PCDHA12: variants seen among roughly 807,000 people sequenced by gnomAD.
The protein encoded by PCDHA12 is protocadherin alpha 12.
In PCDHA12, 44 loss-of-function variants were observed where a neutral mutation model predicts 60.0. That is an observed-to-expected ratio of 0.73 (90% CI 0.58 to 0.94). PCDHA12 has a LOEUF of 0.94. PCDHA12 is among the 40% of genes least tolerant of loss of function. The pLI is 0.00. For synonymous variants in PCDHA12, 569 were observed against 553.0 expected, an observed-to-expected ratio of 1.03 and a Z score of -0.40; for missense variants, 1,276 against 1,239.7, an observed-to-expected ratio of 1.03 and a Z score of -0.44.
intron 3 of PCDHA12, among the ~76,000 whole-genome samples, chr5:140,991,619 A>G (rs1554252338): frequency 1.3e-5 from 2 of 152,206 alleles, no homozygotes; most frequent in African/African-American, 4.8e-5. Context: ...CTTTAATGCC[A>G]TATTTGTAAT....
At chr5:140,978,222 G>A (rs997273847) in intron 1 of PCDHA12, among the ~76,000 whole-genome samples, 7 of 152,298 alleles carry the variant, frequency 4.6e-5, no homozygotes, top group East Asian at 1.9e-4. Context: ...AATGTATCAG[G>A]TTTTTCTTGG....
intron 1 of PCDHA12, among the ~76,000 whole-genome samples, chr5:140,878,983 AGAAAT>A (rs2153364854): frequency 6.6e-6 from 1 of 152,352 alleles, no homozygotes; most frequent in Non-Finnish European, 1.5e-5. Flanking sequence ...CCTCTATCTT[AGAAAT>A]GAGAGTATGC....
At position 140,950,241 on chromosome 5, in the gene PCDHA12, G is replaced by A. The variant is rs191139851; in HGVS notation, c.2368-28708G>A. 3.8e-4 allele frequency among the ~76,000 whole-genome samples: 58 copies of A among 152,014 alleles called. 1 individual carries two copies. The highest frequency in any genetic ancestry group is 6.8e-3 in the Middle Eastern group (2 of 294). On this transcript the variant is annotated intron_variant, in intron 1 of 3. Coordinates refer to ENST00000398631, the MANE Select transcript of PCDHA12 (RefSeq NM_018903.4). The stretch of plus-strand genomic sequence containing the variant: ...TTACCATTTCTAGTGCCATTAATTT[G>A]TTCCTAAAGAGCTGAGTTTATCCAT...
chr5:140,968,355 G>C lies in PCDHA12; in HGVS notation c.2368-10594G>C. On this transcript the variant is annotated intron_variant, in intron 1 of 3. Transcript: ENST00000398631. ...GTCTCCATTAACAGTGCCAGTGGCA[G>C]CCTTTATGCTGTCAACTCCTTTGAC... 1 of 1,614,080 alleles carries C rather than the reference G, an allele frequency of 6.2e-7. No individual in the cohort carries two copies. The highest frequency in any genetic ancestry group is 8.5e-7 in the Non-Finnish European group (1 of 1,180,010).
At chr5:141,002,567 C>T (rs2098086110) in intron 3 of PCDHA12, among the ~76,000 whole-genome samples, 1 of 152,210 alleles carries the variant, frequency 6.6e-6, no homozygotes, top group Admixed American at 6.5e-5. Context: ...CAGTTAGTGA[C>T]CATGTGACCA....
At chr5:140,898,583 G>C (rs1179481608) in intron 1 of PCDHA12, among the ~76,000 whole-genome samples, 2 of 152,124 alleles carry the variant, frequency 1.3e-5, no homozygotes, top group African/African-American at 4.8e-5. Context: ...TGCTGTTTTG[G>C]TTACTGTAGC....
intron 1 of PCDHA12, among the ~76,000 whole-genome samples, chr5:140,909,036 C>T (rs2074275767): frequency 6.6e-6 from 1 of 152,162 alleles, no homozygotes; most frequent in Non-Finnish European, 1.5e-5. Flanking sequence ...CATTTATTTT[C>T]CATACTCTGG....
At chr5:140,981,666 C>CT (rs1430989347) in intron 2 of PCDHA12, among the ~76,000 whole-genome samples, 8 of 152,058 alleles carry the variant, frequency 5.3e-5, no homozygotes, top group Non-Finnish European at 1.0e-4. Flanking sequence ...TTCTTCCTTC[C>CT]TTTCTTCCTT....
At chr5:140,937,323 C>T (rs1350536354) in intron 1 of PCDHA12, among the ~76,000 whole-genome samples, 3 of 152,120 alleles carry the variant, frequency 2.0e-5, no homozygotes, top group African/African-American at 7.2e-5. Flanking sequence ...AGGCGTGAGC[C>T]ACCGCGCCCG....
intron 1 of PCDHA12, among the ~76,000 whole-genome samples, chr5:140,897,430 C>A (rs1297820601): frequency 6.7e-6 from 1 of 148,618 alleles, no homozygotes; most frequent in East Asian, 2.0e-4. Flanking sequence ...TGAGTGAGAA[C>A]ATGCAGTGTT....
At chr5:140,878,575 C>T (rs1339417321) in intron 1 of PCDHA12, among the ~76,000 whole-genome samples, 1 of 152,222 alleles carries the variant, frequency 6.6e-6, no homozygotes, top group African/African-American at 2.4e-5. Context: ...TAGTATACCA[C>T]TGCCCTGTGC....
chr5:140,905,664 T>A (rs1456741391), intron 1 of PCDHA12, among the ~76,000 whole-genome samples: 1 of 152,246 alleles, frequency 6.6e-6, no homozygotes, highest in African/African-American at 2.4e-5. Flanking sequence ...CTGTCATCCA[T>A]TAACATGGAA....
chr5:140,952,903 C>T (rs896493880), intron 1 of PCDHA12, among the ~76,000 whole-genome samples: 4 of 152,092 alleles, frequency 2.6e-5, no homozygotes, highest in African/African-American at 7.2e-5. Flanking sequence ...GGGAATCAAG[C>T]TCATCTTACA....
chr5:141,005,308 TA>T (rs1345689314), intron 3 of PCDHA12, among the ~76,000 whole-genome samples: 4 of 152,214 alleles, frequency 2.6e-5, no homozygotes, highest in Non-Finnish European at 4.4e-5. Context: ...TTGTGAATCT[TA>T]CAGTGGTAGA....
chr5:140,877,225 G>T lies in PCDHA12; in HGVS notation c.1753G>T (p.Val585Leu). 1 of 1,613,746 alleles carries T rather than the reference G, an allele frequency of 6.2e-7. No individual in the cohort carries two copies. The highest frequency in any genetic ancestry group is 1.1e-5 in the South Asian group (1 of 91,038). ...AGTTAGCGAGTTGGTACCGCGGTCG[G>T]TGGGTGCGGGCCACGTGGTGGCGAA... ...GAVSELVPRS[V>L]GAGHVVAKVR... The change falls in exon 1 of 4, where the codon GTG (valine) becomes TTG (leucine). Residue 585 changes from valine to leucine, a missense_variant. Val to Leu is a conservative substitution (Grantham distance 32). Coordinates refer to ENST00000398631, the MANE Select transcript of PCDHA12 (RefSeq NM_018903.4).
intron 1 of PCDHA12, among the ~76,000 whole-genome samples, chr5:140,977,307 G>A (rs1023836424): frequency 6.6e-6 from 1 of 152,304 alleles, no homozygotes; most frequent in Non-Finnish European, 1.5e-5. Context: ...ACAAGCTAAC[G>A]ATAGTGCTCC....
intron 1 of PCDHA12, among the ~76,000 whole-genome samples, chr5:140,917,128 C>T (rs2077898518): frequency 6.6e-6 from 1 of 152,044 alleles, no homozygotes; most frequent in Non-Finnish European, 1.5e-5. Flanking sequence ...GCAGACTCCC[C>T]ACGTTGCTCA....
chr5:140,884,092 G>A (rs1443036011), intron 1 of PCDHA12: 17 of 1,613,438 alleles, frequency 1.1e-5, no homozygotes, highest in Non-Finnish European at 1.4e-5. Flanking sequence ...CGTGGCTTTC[G>A]TATGAATTGC....
rs782755927 is a variant in PCDHA12, at chr5:140,877,340, A to G, written c.1868A>G (p.His623Arg). The G allele has an allele frequency of 5.6e-6, 9 of 1,613,820 alleles. No individual in the cohort carries two copies. The highest frequency in any genetic ancestry group is 1.7e-5 in the Admixed American group (1 of 60,002). The change falls in exon 1 of 4, where the codon CAC becomes CGC. Residue 623 changes from histidine to arginine, a missense_variant. His to Arg is a conservative substitution (Grantham distance 29, BLOSUM62 0). Transcript: ENST00000398631. Reference protein sequence around the residue: ...PAAVGAHIPFHVGLYTGEIST... With the variant: ...PAAVGAHIPFRVGLYTGEIST... ...GCGGTCGGCGCGCACATCCCGTTCC[A>G]CGTGGGGCTGTACACTGGCGAGATC...
Sources: allele counts gnomAD v4.1 joint callset (sites outside exome capture counted in the v4.1 genomes callset), GRCh38; gene constraint gnomAD v4.1.1; transcripts MANE v1.5; gene names NCBI Gene and HGNC (gene_info 2026-07-23, HGNC 2026-07-21).